FBXO4: variants seen among roughly 807,000 people sequenced by gnomAD.
FBXO4 encodes the protein F-box only protein 4.
FBXO4 carries 36 observed loss-of-function variants against 43.7 expected under a neutral mutation model. That is an observed-to-expected ratio of 0.82 (90% CI 0.63 to 1.09). The LOEUF is 1.09. Ranked by LOEUF, FBXO4 falls within the 50% of genes least tolerant of loss-of-function variation. The pLI, the probability that FBXO4 is intolerant of heterozygous loss-of-function variation, is 0.00. For missense variants in FBXO4, 435 were observed against 474.1 expected (o/e 0.92, Z 0.77); for synonymous variants, 180 against 165.6 (o/e 1.09, Z -0.67).
chr5:41,967,710 A>G, the FBXO4 span: 1 of 627,386 alleles, frequency 1.6e-6, no homozygotes, highest in Non-Finnish European at 3.1e-6. Context: ...ACCCTACATT[A>G]ATTACATGAA....
chr5:42,016,220 A>G, the FBXO4 span, among the ~76,000 whole-genome samples: 1 of 152,134 alleles, frequency 6.6e-6, no homozygotes, highest in Non-Finnish European at 1.5e-5. Flanking sequence ...TACTTTCTTT[A>G]CTTGTCCTGC....
At chr5:42,037,112 A>G in the FBXO4 span, among the ~76,000 whole-genome samples, 1 of 152,192 alleles carries the variant, frequency 6.6e-6, no homozygotes, top group Middle Eastern at 3.4e-3. Flanking sequence ...TATGAATTGG[A>G]GATATTATTT....
chr5:41,960,076 T>C, the FBXO4 span, among the ~76,000 whole-genome samples: 1 of 152,264 alleles, frequency 6.6e-6, no homozygotes, highest in East Asian at 1.9e-4. Context: ...ATCTTTCACC[T>C]TCTTAGGTGA....
At chr5:41,939,279 T>C in intron 5 of FBXO4, 162 bp from the exon 6 acceptor site, 4 of 542,580 alleles carry the variant, frequency 7.4e-6, no homozygotes, top group Non-Finnish European at 1.2e-5. Context: ...ATTTTTGCTT[T>C]TAAACTGTGG....
intron 6 of FBXO4, among the ~76,000 whole-genome samples, chr5:41,939,936 A>G (rs1751961364): frequency 7.0e-6 from 1 of 143,574 alleles, no homozygotes. Context: ...TGCAACCTCA[A>G]CCTCTTGGGC....
Position 41,934,248 on chromosome 5 carries a change from C to G in FBXO4, c.838C>G (p.Gln280Glu), listed in dbSNP as rs1561170429. 1.2e-6 allele frequency: 2 copies of G among 1,614,096 alleles called. No individual in the cohort carries two copies. Among genetic ancestry groups the G allele is most frequent in the Non-Finnish European group, 1.7e-6 (2 of 1,179,998 alleles). ...GSRYSVIPQIQKVCEVVDGFI... is the reference protein window; with the variant it reads ...GSRYSVIPQIEKVCEVVDGFI... ...CCGGTACAGTGTGATTCCACAGATT[C>G]AAAAAGTGTGTGAAGTTGTAGATGG... Residue 280 changes from glutamine (Q) to glutamate (E), a missense_variant, in exon 5 of 7, where the codon CAA becomes GAA. Transcript: ENST00000281623.
chr5:41,965,481 G>T, the FBXO4 span, among the ~76,000 whole-genome samples: 96 of 152,264 alleles, frequency 6.3e-4, no homozygotes, highest in Admixed American at 1.8e-3. Context: ...GGGCAGTATG[G>T]CCACTTTAAC....
chr5:41,934,602 C>T, intron 5 of FBXO4: 1 of 1,298,222 alleles, frequency 7.7e-7, no homozygotes, highest in Non-Finnish European at 9.8e-7. Context: ...CCAGGGAATT[C>T]TGATGCATTC....
the FBXO4 span, among the ~76,000 whole-genome samples, chr5:41,954,471 C>G: frequency 2.6e-5 from 4 of 152,204 alleles, no homozygotes; most frequent in African/African-American, 7.2e-5. Flanking sequence ...CCTGTATAAC[C>G]ACTCTCCTCA....
downstream of FBXO4, among the ~76,000 whole-genome samples, chr5:41,944,740 A>G (rs2112593287): frequency 6.6e-6 from 1 of 152,320 alleles, no homozygotes; most frequent in African/African-American, 2.4e-5. Context: ...AACAACAGCA[A>G]TTTAGAGCCA....
the FBXO4 span, chr5:41,951,506 G>T: frequency 3.9e-6 from 1 of 254,102 alleles, no homozygotes; most frequent in Non-Finnish European, 7.5e-6. Context: ...TGCTGAAGAA[G>T]TCTGTTCGCC....
At chr5:42,028,990 G>A in the FBXO4 span, among the ~76,000 whole-genome samples, 3 of 151,876 alleles carry the variant, frequency 2.0e-5, no homozygotes, top group South Asian at 2.1e-4. Flanking sequence ...ATCACAGTTA[G>A]TGTTATAACA....
At chr5:41,965,141 A>G in the FBXO4 span, among the ~76,000 whole-genome samples, 1 of 152,178 alleles carries the variant, frequency 6.6e-6, no homozygotes. Flanking sequence ...GAAATAGGGA[A>G]TCCTTTCCCC....
the FBXO4 span, among the ~76,000 whole-genome samples, chr5:42,008,529 C>G: frequency 6.6e-6 from 1 of 152,136 alleles, no homozygotes; most frequent in Non-Finnish European, 1.5e-5. Flanking sequence ...ACCCCTGCTC[C>G]TCTGTGCCCT....
chr5:41,969,128 C>T, the FBXO4 span, among the ~76,000 whole-genome samples: 260 of 152,272 alleles, frequency 1.7e-3, no homozygotes, highest in Middle Eastern at 0.01. Context: ...TGTTGACATA[C>T]GGTCAGATAG....
At chr5:42,009,979 A>G in the FBXO4 span, among the ~76,000 whole-genome samples, 1 of 152,128 alleles carries the variant, frequency 6.6e-6, no homozygotes, top group African/African-American at 2.4e-5. Flanking sequence ...TCATGTCTCT[A>G]TAAATTTGAT....
chr5:42,005,696 CAGA>C, the FBXO4 span, among the ~76,000 whole-genome samples: 1 of 152,074 alleles, frequency 6.6e-6, no homozygotes, highest in Non-Finnish European at 1.5e-5. Flanking sequence ...TCCAGCTGTA[CAGA>C]AGTTGATCAA....
At chr5:41,956,675 C>A in the FBXO4 span, among the ~76,000 whole-genome samples, 1 of 145,750 alleles carries the variant, frequency 6.9e-6, no homozygotes, top group African/African-American at 2.5e-5. Context: ...AGTCAGCTGT[C>A]ATTATTTTTC....
intron 5 of FBXO4, 136 bp from the exon 6 acceptor site, chr5:41,939,305 A>T: frequency 1.4e-6 from 1 of 701,234 alleles, no homozygotes. Context: ...TCTGAAGAGT[A>T]CTGTGATTTT....
Sources: allele counts gnomAD v4.1 joint callset (sites outside exome capture counted in the v4.1 genomes callset), GRCh38; gene constraint gnomAD v4.1.1; transcripts MANE v1.5; gene names NCBI Gene and HGNC (gene_info 2026-07-23, HGNC 2026-07-21).